KCNN2: variants seen among roughly 807,000 people sequenced by gnomAD.
The protein encoded by KCNN2 is small conductance calcium-activated potassium channel protein 2.
In KCNN2, 24 loss-of-function variants were observed where a neutral mutation model predicts 55.5. The ratio of observed to expected loss-of-function variants is 0.43; its 90% confidence interval spans 0.31 to 0.61. The LOEUF is 0.61. KCNN2 is among the 20% of genes least tolerant of loss of function. The pLI is 0.08. For synonymous variants in KCNN2, 431 were observed against 336.1 expected, an observed-to-expected ratio of 1.28 and a Z score of -3.09; for missense variants, 754 against 853.6, an observed-to-expected ratio of 0.88 and a Z score of 1.45.
chr5:114,441,675 T>C (rs1452521449), intron 3 of KCNN2, among the ~76,000 whole-genome samples: 1 of 152,212 alleles, frequency 6.6e-6, no homozygotes. Flanking sequence ...GGGACATGTT[T>C]GTGTGATCAT....
chr5:114,223,830 C>A (rs1299277947), intron 2 of KCNN2, among the ~76,000 whole-genome samples: 3 of 152,132 alleles, frequency 2.0e-5, no homozygotes, highest in Non-Finnish European at 4.4e-5. Context: ...AGGAATGCAA[C>A]AGAAGGGCTG....
Position 114,232,660 on chromosome 5 carries a change from AT to A in KCNN2, c.-185+11096del, listed in dbSNP as rs917915466. Among the ~76,000 whole-genome samples the A allele has an allele frequency of 7.9e-5, 12 of 151,090 alleles. 2 individuals are homozygous for A. Among genetic ancestry groups the A allele is most frequent in the African/African-American group, 1.5e-4 (6 of 40,452 alleles). ...CTTTTTTTAAACTTTTAAATAAATA[AT>A]CCCCATTGAATTGTCTTCTCTAGCT... is the stretch of plus-strand genomic sequence containing the variant. On this transcript the variant is annotated intron_variant, in intron 2 of 10. Transcript: ENST00000512097.
chr5:114,269,455 A>G (rs1755276292), intron 2 of KCNN2, among the ~76,000 whole-genome samples: 2 of 149,028 alleles, frequency 1.3e-5, no homozygotes, highest in South Asian at 4.2e-4. Flanking sequence ...TCTACTTCCT[A>G]TCTGATTAAG....
intron 1 of KCNN2, among the ~76,000 whole-genome samples, chr5:114,137,793 T>C (rs1752203080): frequency 6.6e-6 from 1 of 152,066 alleles, no homozygotes; most frequent in South Asian, 2.1e-4. Context: ...AATAACTGGA[T>C]AAATAGTGTA....
At chr5:114,345,332 A>G (rs951382614) in intron 2 of KCNN2, among the ~76,000 whole-genome samples, 9 of 152,218 alleles carry the variant, frequency 5.9e-5, no homozygotes, top group Non-Finnish European at 1.0e-4. Context: ...TCTACAAGGC[A>G]TGGATGGGAA....
chr5:114,346,832 GA>G (rs1757114415), intron 2 of KCNN2, among the ~76,000 whole-genome samples: 1 of 150,580 alleles, frequency 6.6e-6, no homozygotes, highest in Admixed American at 6.6e-5. Flanking sequence ...GGCTGGGACA[GA>G]AAAATACCAA....
Position 114,471,109 on chromosome 5 carries a change from T to C in KCNN2, c.1780-1945T>C, listed in dbSNP as rs540338433. Among the ~76,000 whole-genome samples, 22 of 152,322 alleles carry C rather than the reference T, an allele frequency of 1.4e-4. No homozygotes were observed. In the East Asian group the frequency reaches 3.7e-3, roughly 25 times the overall value. Reference sequence around the variant, plus strand: ...TGAATTTGAATTTCCTGTCTTGCTTTGAAATACAGTGCTTCATAATGCATT... The same window carrying C: ...TGAATTTGAATTTCCTGTCTTGCTTCGAAATACAGTGCTTCATAATGCATT... On this transcript the variant is annotated intron_variant, in intron 4 of 7. Coordinates refer to ENST00000673685, the MANE Select transcript of KCNN2 (RefSeq NM_021614.4).
chr5:114,339,952 C>T (rs1038118433), intron 2 of KCNN2, among the ~76,000 whole-genome samples: 1 of 152,070 alleles, frequency 6.6e-6, no homozygotes. Flanking sequence ...AAACAACAGG[C>T]AAGTTAATTT....
intron 3 of KCNN2, among the ~76,000 whole-genome samples, chr5:114,461,562 A>G (rs908263061): frequency 3.9e-5 from 6 of 152,166 alleles, no homozygotes; most frequent in Admixed American, 3.3e-4. Context: ...TAGCTTCTCT[A>G]TTCTTTGGAA....
At chr5:114,168,743 C>T (rs1429598701) in intron 1 of KCNN2, among the ~76,000 whole-genome samples, 1 of 151,980 alleles carries the variant, frequency 6.6e-6, no homozygotes, top group Non-Finnish European at 1.5e-5. Flanking sequence ...TGAAATTATG[C>T]CAAATATTTT....
At chr5:114,423,942 G>T (rs1044302743) in intron 3 of KCNN2, among the ~76,000 whole-genome samples, 1 of 152,108 alleles carries the variant, frequency 6.6e-6, no homozygotes, top group African/African-American at 2.4e-5. Flanking sequence ...CAGTTTCGAG[G>T]GTCAGAGAAG....
chr5:114,419,215 C>T (rs1452775887), intron 3 of KCNN2, among the ~76,000 whole-genome samples: 5 of 152,248 alleles, frequency 3.3e-5, no homozygotes, highest in Non-Finnish European at 5.9e-5. Flanking sequence ...TGGGCCAAAT[C>T]TGGCCCACCA....
chr5:114,386,887 T>G (rs1456611341), intron 2 of KCNN2, among the ~76,000 whole-genome samples: 1 of 152,212 alleles, frequency 6.6e-6, no homozygotes, highest in Non-Finnish European at 1.5e-5. Flanking sequence ...AGAACGCTCC[T>G]TAAGACGTAT....
At position 114,471,380 on chromosome 5, in the gene KCNN2, A is replaced by ATTGT. The variant is rs1232310642; in HGVS notation, c.1780-1671_1780-1668dup. On this transcript the variant is annotated intron_variant, in intron 4 of 7. Transcript: ENST00000673685. ...CAAATAGTTGCTAAACAGTATTGTTATTGTTTAAAGAATAATTACAAAAGA... is the reference window on the plus strand; with the variant it reads ...CAAATAGTTGCTAAACAGTATTGTTATTGTTTGTTTAAAGAATAATTACAAAAGA... Among the ~76,000 whole-genome samples, 7 of 152,336 alleles carry ATTGT rather than the reference A, an allele frequency of 4.6e-5. No homozygotes were observed. The East Asian group carries it at 1.4e-3, about 29-fold the overall frequency.
chr5:114,255,308 T>C lies in KCNN2; in HGVS notation c.-185+33743T>C, dbSNP rs184804565. On this transcript the variant is annotated intron_variant, in intron 2 of 10. Coordinates refer to the KCNN2 transcript ENST00000512097. ...TACAAGATACAGTGGCAACAAAAACTTAGCTGAAGGAGATAGGGTTTGGGG... is the reference window on the plus strand; with the variant it reads ...TACAAGATACAGTGGCAACAAAAACCTAGCTGAAGGAGATAGGGTTTGGGG... 1.1e-4 allele frequency among the ~76,000 whole-genome samples: 17 copies of C among 152,270 alleles called. 1 individual carries two copies. In the East Asian group the frequency reaches 2.9e-3, roughly 26 times the overall value.
chr5:114,342,446 C>T (rs1411812717), intron 2 of KCNN2, among the ~76,000 whole-genome samples: 2 of 147,200 alleles, frequency 1.4e-5, no homozygotes, highest in South Asian at 2.1e-4. Flanking sequence ...ATGGTGTGTG[C>T]GTATTGGAGG....
intron 2 of KCNN2, among the ~76,000 whole-genome samples, chr5:114,354,907 T>G (rs2150041541): frequency 6.6e-6 from 1 of 152,294 alleles, no homozygotes; most frequent in South Asian, 2.1e-4. Flanking sequence ...TGCTAATGGA[T>G]TTACAGCCAT....
intron 2 of KCNN2, among the ~76,000 whole-genome samples, chr5:114,385,979 C>A (rs1204906714): frequency 6.6e-6 from 1 of 151,406 alleles, no homozygotes; most frequent in African/African-American, 2.4e-5. Context: ...GAAATCGAGA[C>A]CAGCCTGGCT....
At chr5:114,302,119 T>C (rs774268730) in intron 2 of KCNN2, among the ~76,000 whole-genome samples, 1 of 152,230 alleles carries the variant, frequency 6.6e-6, no homozygotes, top group Non-Finnish European at 1.5e-5. Context: ...GAGGGTAGGC[T>C]GCTGATCAAA....
Sources: allele counts gnomAD v4.1 joint callset (sites outside exome capture counted in the v4.1 genomes callset), GRCh38; gene constraint gnomAD v4.1.1; transcripts MANE v1.5; gene names NCBI Gene and HGNC (gene_info 2026-07-23, HGNC 2026-07-21).